Variants in CC2D2A observed in about 807,000 individuals in gnomAD.
CC2D2A encodes coiled-coil and C2 domain-containing protein 2A.
In CC2D2A, 155 loss-of-function variants were observed where a neutral mutation model predicts 212.9. That is an observed-to-expected ratio of 0.73 (90% confidence interval 0.64 to 0.83). The LOEUF (loss-of-function observed/expected upper bound fraction) is 0.83. Among genes scored for constraint, CC2D2A ranks in the 40% least tolerant of loss-of-function variants. The pLI is 0.00. For synonymous variants in CC2D2A, 667 were observed against 686.5 expected, an observed-to-expected ratio of 0.97 and a Z score of 0.44; for missense variants, 1,856 against 1,956.2, an observed-to-expected ratio of 0.95 and a Z score of 0.97.
At chr4:15,530,991 T>C (rs1474403092) in intron 13 of CC2D2A, among the ~76,000 whole-genome samples, 2 of 152,234 alleles carry the variant, frequency 1.3e-5, no homozygotes, top group Non-Finnish European at 2.9e-5. Flanking sequence ...AGGAATATTT[T>C]ACTTAACCTC....
chr4:15,598,918 G>A (rs893696263), intron 35 of CC2D2A, among the ~76,000 whole-genome samples: 19 of 152,120 alleles, frequency 1.2e-4, no homozygotes, highest in Middle Eastern at 3.2e-3. Context: ...TCAACACTTT[G>A]GGAGGCCAAG....
At chr4:15,520,523 GTAAT>G (rs1717142597) in intron 11 of CC2D2A, among the ~76,000 whole-genome samples, 1 of 152,176 alleles carries the variant, frequency 6.6e-6, no homozygotes, top group Non-Finnish European at 1.5e-5. Context: ...AAACAGAAGA[GTAAT>G]TAATATGGAG....
intron 1 of CC2D2A, among the ~76,000 whole-genome samples, chr4:15,472,382 T>C (rs887426204): frequency 6.6e-6 from 1 of 152,194 alleles, no homozygotes; most frequent in African/African-American, 2.4e-5. Context: ...TATTAACAAG[T>C]ACCAGTGCAT....
chr4:15,503,222 A>G (rs1716066728), intron 6 of CC2D2A, among the ~76,000 whole-genome samples: 1 of 152,120 alleles, frequency 6.6e-6, no homozygotes, highest in African/African-American at 2.4e-5. Flanking sequence ...AGGATCACTT[A>G]GGCCCAGGAG....
At chr4:15,516,517 T>C in intron 10 of CC2D2A, 108 bp from the exon 11 acceptor site, 1 of 1,099,404 alleles carries the variant, frequency 9.1e-7, no homozygotes, top group South Asian at 1.9e-5. Flanking sequence ...AGGAAGTACA[T>C]GAAATATATA....
intron 4 of CC2D2A, among the ~76,000 whole-genome samples, chr4:15,489,002 A>G (rs1338491810): frequency 6.6e-6 from 1 of 152,232 alleles, no homozygotes; most frequent in Non-Finnish European, 1.5e-5. Flanking sequence ...CTCCCCCATG[A>G]TTCCATCTTG....
intron 4 of CC2D2A, among the ~76,000 whole-genome samples, chr4:15,495,782 A>C (rs1304587811): frequency 6.6e-6 from 1 of 152,172 alleles, no homozygotes; most frequent in Non-Finnish European, 1.5e-5. Context: ...TGATAGTTCT[A>C]TTTTAAGTTC....
At chr4:15,557,574 T>C in intron 21 of CC2D2A, 67 bp downstream of exon 21, 3 of 1,035,968 alleles carry the variant, frequency 2.9e-6, no homozygotes, top group Non-Finnish European at 4.0e-6. Flanking sequence ...GGTATACTAC[T>C]GTATATGTAT....
At chr4:15,569,269 C>G in intron 26 of CC2D2A, 24 bp from the exon 27 acceptor site, 1 of 1,377,400 alleles carries the variant, frequency 7.3e-7, no homozygotes, top group Non-Finnish European at 1.0e-6. Flanking sequence ...TTTTCACAGT[C>G]CCTGGTCATG....
chr4:15,532,945 A>G (rs1357290842), intron 13 of CC2D2A, among the ~76,000 whole-genome samples: 1 of 152,234 alleles, frequency 6.6e-6, no homozygotes, highest in African/African-American at 2.4e-5. Flanking sequence ...TGAAGGATGC[A>G]TAGTTTTAAT....
intron 13 of CC2D2A, among the ~76,000 whole-genome samples, chr4:15,532,517 T>C (rs1717900162): frequency 6.6e-6 from 1 of 152,240 alleles, no homozygotes; most frequent in Non-Finnish European, 1.5e-5. Context: ...AGGATGGACA[T>C]ATGGAGATAT....
rs530802612 is a variant in CC2D2A, at chr4:15,547,291, C to T, written c.2182-3533C>T. 7.9e-5 allele frequency among the ~76,000 whole-genome samples: 12 copies of T among 152,260 alleles called. No homozygotes were observed. The South Asian group carries it at 2.3e-3, about 29-fold the overall frequency. The stretch of plus-strand genomic sequence containing the variant: ...TATTTAGAATATCTATTACCTCAAA[C>T]ATTTATCATTTGTGTTGCAGACATT... On this transcript the variant is annotated intron_variant, in intron 17 of 36. Coordinates refer to ENST00000424120, the MANE Select transcript of CC2D2A (RefSeq NM_001378615.1).
At chr4:15,576,098 G>T (rs1366583961) in intron 29 of CC2D2A, among the ~76,000 whole-genome samples, 1 of 152,196 alleles carries the variant, frequency 6.6e-6, no homozygotes. Context: ...TTCTGCCTTT[G>T]GTGGCAGGTC....
intron 16 of CC2D2A, among the ~76,000 whole-genome samples, chr4:15,540,244 T>C (rs776081594): frequency 6.6e-6 from 1 of 152,084 alleles, no homozygotes; most frequent in Non-Finnish European, 1.5e-5. Context: ...TTGGTGGATG[T>C]CTATACACAT....
At chr4:15,572,191 T>C (rs1335368223) in intron 28 of CC2D2A, among the ~76,000 whole-genome samples, 1 of 152,162 alleles carries the variant, frequency 6.6e-6, no homozygotes, top group Admixed American at 6.5e-5. Context: ...ATCACCTCAA[T>C]TAAACCTCAC....
chr4:15,576,368 T>G (rs1720407962), intron 29 of CC2D2A: 1 of 984,722 alleles, frequency 1.0e-6, no homozygotes, highest in Non-Finnish European at 1.2e-6. Context: ...CAGCAATACT[T>G]CCTGGATTAG....
At chr4:15,595,046 C>T (rs1228085601) in intron 33 of CC2D2A, among the ~76,000 whole-genome samples, 1 of 152,112 alleles carries the variant, frequency 6.6e-6, no homozygotes, top group African/African-American at 2.4e-5. Context: ...AACCCCTGGC[C>T]TCAAGTGATC....
At chr4:15,552,779 G>A (rs74481215) in intron 18 of CC2D2A, among the ~76,000 whole-genome samples, 15 of 152,298 alleles carry the variant, frequency 9.8e-5, no homozygotes, top group South Asian at 2.1e-4. Context: ...GCTCAAATAA[G>A]TACTTTGAAT....
In CC2D2A at chr4:15,557,443, C is replaced by T; in HGVS notation, c.2765C>T (p.Pro922Leu). Reference protein sequence around the residue: ...RLLHLRSQEVPEFRNYKQVPV... With the variant: ...RLLHLRSQEVLEFRNYKQVPV... Reference sequence around the variant, plus strand: ...CTTCATCTTAGAAGCCAAGAGGTGCCAGAATTCCGAAATTATAAGCAAGTT... The same window carrying T: ...CTTCATCTTAGAAGCCAAGAGGTGCTAGAATTCCGAAATTATAAGCAAGTT... Residue 922 changes from proline (P) to leucine (L), a missense_variant, in exon 21 of 37, where the codon CCA becomes CTA. Transcript: ENST00000424120. 1 of 1,612,920 alleles carries T rather than the reference C, an allele frequency of 6.2e-7. No individual in the cohort carries two copies. The highest frequency in any genetic ancestry group is 8.5e-7 in the Non-Finnish European group (1 of 1,179,530).
Sources: allele counts gnomAD v4.1 joint callset (sites outside exome capture counted in the v4.1 genomes callset), GRCh38; gene constraint gnomAD v4.1.1; transcripts MANE v1.5; gene names NCBI Gene and HGNC (gene_info 2026-07-23, HGNC 2026-07-21).